The following ZRANB3 variants were observed in gnomAD, a reference collection of about 807,000 sequenced individuals.
The protein encoded by ZRANB3 is DNA annealing helicase and endonuclease ZRANB3.
ZRANB3 carries 125 observed loss-of-function variants against 133.8 expected under a neutral mutation model. The observed-to-expected ratio is 0.93, with a 90% CI of 0.81 to 1.08. The LOEUF (loss-of-function observed/expected upper bound fraction) is 1.08. ZRANB3 is among the 50% of genes least tolerant of loss of function. ZRANB3 has a pLI of 0.00. For synonymous variants in ZRANB3, 387 were observed against 432.7 expected (o/e 0.89, Z 1.31); for missense variants, 1,229 against 1,275.5 (o/e 0.96, Z 0.56).
chr2:135,209,258 A>C (rs947130989), intron 17 of ZRANB3, among the ~76,000 whole-genome samples: 3 of 152,162 alleles, frequency 2.0e-5, no homozygotes, highest in Admixed American at 1.3e-4. Context: ...CATTTAGGGG[A>C]AAAAGGAGTC....
At chr2:135,217,859 G>A (rs941435088) in intron 16 of ZRANB3, among the ~76,000 whole-genome samples, 8 of 152,028 alleles carry the variant, frequency 5.3e-5, no homozygotes, top group Non-Finnish European at 1.0e-4. Context: ...GTCCAGGCTG[G>A]AGTGCAGTGG....
intron 15 of ZRANB3, among the ~76,000 whole-genome samples, chr2:135,222,458 A>T (rs1387226173): frequency 1.3e-5 from 2 of 152,036 alleles, no homozygotes; most frequent in African/African-American, 2.4e-5. Context: ...TTCATAATCT[A>T]TCCAGGCCAT....
Position 135,208,927 on chromosome 2 carries a change from A to T in ZRANB3, c.2547T>A (p.Asn849Lys). ...TGATCAGACGGACATGGCCCCCAAC[A>T]TTCTTCACTTTGTCCATTGAGGCTA... ...VAVASMDKVK[N>K]VGGHVRLITK... The change falls in exon 18 of 21, where the codon AAT becomes AAA. Residue 849 changes from asparagine to lysine, a missense_variant. Coordinates refer to ENST00000264159, the MANE Select transcript of ZRANB3 (RefSeq NM_032143.4). 6.2e-7 allele frequency: 1 copy of T among 1,613,970 alleles called. No homozygotes were observed. Among genetic ancestry groups the T allele is most frequent in the Non-Finnish European group, 8.5e-7 (1 of 1,179,882 alleles).
chr2:135,383,170 CA>C (rs35106762), intron 3 of ZRANB3, among the ~76,000 whole-genome samples: 2 of 148,738 alleles, frequency 1.3e-5, no homozygotes, highest in Non-Finnish European at 3.0e-5. Flanking sequence ...AAATGGAAAA[CA>C]AAAAAAAAGG....
intron 6 of ZRANB3, among the ~76,000 whole-genome samples, chr2:135,337,305 T>C (rs2104855035): frequency 6.6e-6 from 1 of 152,346 alleles, no homozygotes; most frequent in South Asian, 2.1e-4. Context: ...AGACCAACCC[T>C]AGACCGTTAA....
chr2:135,247,401 G>A (rs1695846233), intron 12 of ZRANB3, among the ~76,000 whole-genome samples: 1 of 151,694 alleles, frequency 6.6e-6, no homozygotes, highest in Non-Finnish European at 1.5e-5. Flanking sequence ...CCATACAGCT[G>A]AATAAAATAC....
intron 2 of ZRANB3, among the ~76,000 whole-genome samples, chr2:135,442,740 C>T (rs1247207085): frequency 2.6e-5 from 4 of 152,290 alleles, no homozygotes; most frequent in Admixed American, 1.3e-4. Context: ...TAAAGACACA[C>T]GCAAACGTAT....
chr2:135,396,917 A>G (rs1687518338), intron 2 of ZRANB3, among the ~76,000 whole-genome samples: 1 of 152,122 alleles, frequency 6.6e-6, no homozygotes, highest in Non-Finnish European at 1.5e-5. Flanking sequence ...CCATAAATAT[A>G]TACACTTACT....
At chr2:135,517,611 A>G (rs1312607683) in intron 1 of ZRANB3, among the ~76,000 whole-genome samples, 7 of 152,342 alleles carry the variant, frequency 4.6e-5, no homozygotes, top group Admixed American at 4.6e-4. Context: ...AAGCTGCAGA[A>G]CAGCAAAGGT....
At chr2:135,476,919 C>A (rs1691524891) in intron 2 of ZRANB3, among the ~76,000 whole-genome samples, 1 of 152,176 alleles carries the variant, frequency 6.6e-6, no homozygotes, top group South Asian at 2.1e-4. Context: ...CAGGACCTCA[C>A]TATGTTGCCC....
At chr2:135,278,972 TA>T (rs1680971550) in intron 8 of ZRANB3, among the ~76,000 whole-genome samples, 1 of 152,104 alleles carries the variant, frequency 6.6e-6, no homozygotes, top group African/African-American at 2.4e-5. Flanking sequence ...GGCTAAAATT[TA>T]ATCTTCCGTA....
Position 135,327,453 on chromosome 2 carries a change from T to A in ZRANB3, c.678-11923A>T, listed in dbSNP as rs141489500. On this transcript the variant is annotated intron_variant, in intron 6 of 20. Coordinates refer to ENST00000264159, the MANE Select transcript of ZRANB3 (RefSeq NM_032143.4). ...ACCAAACAGATGGGAAAAAAATGAA[T>A]TATAAGGTAAACAAAAAGTTGACTA... Among the ~76,000 whole-genome samples the A allele has an allele frequency of 2.6e-3, 399 of 152,124 alleles. 1 individual carries two copies. The highest frequency in any genetic ancestry group is 8.7e-3 in the African/African-American group (363 of 41,528).
chr2:135,333,225 C>T (rs917670511), intron 6 of ZRANB3, among the ~76,000 whole-genome samples: 2 of 152,132 alleles, frequency 1.3e-5, no homozygotes, highest in African/African-American at 2.4e-5. Context: ...GATTGTCCTT[C>T]CCATTCCACA....
intron 2 of ZRANB3, among the ~76,000 whole-genome samples, chr2:135,474,510 G>C (rs188860421): frequency 6.6e-6 from 1 of 152,006 alleles, no homozygotes. Context: ...CATGAAATCT[G>C]ATCATTCAAA....
chr2:135,376,037 T>A (rs1686414639), intron 3 of ZRANB3, among the ~76,000 whole-genome samples: 1 of 152,196 alleles, frequency 6.6e-6, no homozygotes, highest in African/African-American at 2.4e-5. Flanking sequence ...CTTAATTCAA[T>A]CTGACCAGTG....
chr2:135,472,879 T>G (rs1691333258), intron 2 of ZRANB3, among the ~76,000 whole-genome samples: 2 of 152,216 alleles, frequency 1.3e-5, no homozygotes, highest in African/African-American at 4.8e-5. Context: ...GAGCTAGTAG[T>G]AAGTTTATAC....
intron 2 of ZRANB3, among the ~76,000 whole-genome samples, chr2:135,432,208 C>T (rs774530209): frequency 6.6e-6 from 1 of 152,062 alleles, no homozygotes; most frequent in Non-Finnish European, 1.5e-5. Flanking sequence ...TGAGATTGCG[C>T]CATTGAACTC....
intron 2 of ZRANB3, among the ~76,000 whole-genome samples, chr2:135,408,975 A>T (rs1688178800): frequency 6.6e-6 from 1 of 152,172 alleles, no homozygotes; most frequent in Non-Finnish European, 1.5e-5. Flanking sequence ...AGAGTATAAA[A>T]AAAAAAGAAA....
At chr2:135,344,943 G>A (rs1684849024) in intron 6 of ZRANB3, among the ~76,000 whole-genome samples, 1 of 152,084 alleles carries the variant, frequency 6.6e-6, no homozygotes, top group South Asian at 2.1e-4. Flanking sequence ...TCTTCAGAAG[G>A]ATACACAATA....
Sources: allele counts gnomAD v4.1 joint callset (sites outside exome capture counted in the v4.1 genomes callset), GRCh38; gene constraint gnomAD v4.1.1; transcripts MANE v1.5; gene names NCBI Gene and HGNC (gene_info 2026-07-23, HGNC 2026-07-21).